The following BTN3A1 variants were observed in gnomAD, a reference collection of about 807,000 sequenced individuals.
The protein encoded by BTN3A1 is butyrophilin subfamily 3 member A1, also known as dJ45P21.3 (butyrophilin, subfamily 3, member A1).
In BTN3A1, 24 loss-of-function variants were observed where a neutral mutation model predicts 43.0. That is an observed-to-expected ratio of 0.56 (90% CI 0.40 to 0.78). BTN3A1 has a LOEUF of 0.78. Among genes scored for constraint, BTN3A1 ranks in the 30% least tolerant of loss-of-function variants. The probability of loss-of-function intolerance (pLI) is 0.00; values close to 1 mark genes in which losing one functional copy is unlikely to be tolerated. For synonymous variants in BTN3A1, 181 were observed against 234.7 expected (o/e 0.77, Z 2.09); for missense variants, 533 against 626.2 (o/e 0.85, Z 1.59).
rs1761998175 is a variant in BTN3A1 at position 26,405,827 on chromosome 6, C to T, written c.86-82C>T. The T allele has an allele frequency of 8.7e-6, 14 of 1,609,558 alleles. No individual in the cohort carries two copies. The South Asian group carries it at 1.4e-4, about 16-fold the overall frequency. ...CCCCCACCAGTTTCTTTGTATCTCG[C>T]CTTCCCTGTCTGAGAAGCACCCTTC... On this transcript the variant is annotated intron_variant, in intron 2 of 9. Coordinates refer to ENST00000289361, the MANE Select transcript of BTN3A1 (RefSeq NM_007048.6).
chr6:26,413,204 ATCC>A lies in BTN3A1; in HGVS notation c.1059_1061del (p.Leu354del). ...TCTGGATCCAAAAACAGCAAACCCC[ATCC>A]TCCTTGTTTCTGAGGACCAGAGGAG... On this transcript the variant is annotated inframe_deletion, in exon 10 of 10. Coordinates refer to ENST00000289361, the MANE Select transcript of BTN3A1 (RefSeq NM_007048.6). The A allele has an allele frequency of 6.2e-7, 1 of 1,614,026 alleles. No individual in the cohort carries two copies. The highest frequency in any genetic ancestry group is 8.5e-7 in the Non-Finnish European group (1 of 1,179,942).
chr6:26,406,581 C>T (rs1762027348), intron 3 of BTN3A1, among the ~76,000 whole-genome samples: 1 of 152,216 alleles, frequency 6.6e-6, no homozygotes, highest in Non-Finnish European at 1.5e-5. Flanking sequence ...TAGTTCTGTA[C>T]TGGATGGCTT....
chr6:26,409,464 C>A, intron 4 of BTN3A1, 69 bp from the exon 5 acceptor site: 1 of 1,458,880 alleles, frequency 6.9e-7, no homozygotes, highest in Non-Finnish European at 9.6e-7. Context: ...GCAGCTAACA[C>A]TTGGGGCGCT....
intron 8 of BTN3A1, 135 bp downstream of exon 8, chr6:26,411,270 G>C (rs935001808): frequency 1.1e-5 from 13 of 1,237,064 alleles, no homozygotes; most frequent in South Asian, 3.0e-5. Context: ...TGTGTGTTGT[G>C]GGGGGTTGAT....
At position 26,409,682 on chromosome 6, in the gene BTN3A1, G is replaced by C. The variant is rs540382529; in HGVS notation, c.865G>C (p.Glu289Gln). ...GTTCAGAAAGAAAAAGAGAGAGCAA[G>C]AGTTGAGAGAAATGGCATGGAGCAC... is the stretch of plus-strand genomic sequence containing the variant. Reference protein sequence around the residue: ...TQFRKKKREQELREMAWSTMK... With the variant: ...TQFRKKKREQQLREMAWSTMK... Residue 289 changes from glutamate to glutamine, a missense_variant, in exon 5 of 10, where the codon GAG becomes CAG. Around this residue, in one of 4 missense-constraint regions of BTN3A1, gnomAD observed 415 missense variants for 427.0 expected, o/e 0.97. Transcript: ENST00000289361. 6.3e-7 allele frequency: 1 copy of C among 1,591,640 alleles called. No individual in the cohort carries two copies. The highest frequency in any genetic ancestry group is 8.5e-7 in the Non-Finnish European group (1 of 1,171,648).
Position 26,409,934 on chromosome 6 carries a change from G to A in BTN3A1, c.937+20G>A. The A allele has an allele frequency of 6.2e-7, 1 of 1,614,194 alleles. No homozygotes were observed. The highest frequency in any genetic ancestry group is 8.5e-7 in the Non-Finnish European group (1 of 1,180,024). ...AACTCAGTAAGTTCCCATTCCCCCAGAGACCCAGGCATGTCTTCCTGTCCC... is the reference window on the plus strand; with the variant it reads ...AACTCAGTAAGTTCCCATTCCCCCAAAGACCCAGGCATGTCTTCCTGTCCC... On this transcript the variant is annotated intron_variant, in intron 6 of 9. Transcript: ENST00000289361.
Position 26,413,883 on chromosome 6 carries a change from C to A in BTN3A1, c.*191C>A. 1.9e-6 allele frequency: 2 copies of A among 1,067,126 alleles called. No individual in the cohort carries two copies. Among genetic ancestry groups the A allele is most frequent in the Non-Finnish European group, 2.7e-6 (2 of 733,918 alleles). The allele number at this position is 1,067,126 out of a possible 1,614,324, so 66.1% of individuals were successfully genotyped here. ...CCAATCACAACCATAAAGCTACAAG[C>A]ACGCACTGAAGCACTTTACTGATAC... On this transcript the variant is annotated 3_prime_UTR_variant, in exon 10 of 10. Coordinates refer to ENST00000289361, the MANE Select transcript of BTN3A1 (RefSeq NM_007048.6).
rs1270126195 is a variant in BTN3A1, at chr6:26,413,152, C to T, written c.1019-17C>T. On this transcript the variant is annotated splice_polypyrimidine_tract_variant and intron_variant, in intron 9 of 9. Coordinates refer to ENST00000289361, the MANE Select transcript of BTN3A1 (RefSeq NM_007048.6). ...AAAATGGTTGACCTCATGGACACTT[C>T]CTCAAACTCTCTGCAGCGGATGTGA... 1 of 1,599,288 alleles carries T rather than the reference C, an allele frequency of 6.3e-7. No individual in the cohort carries two copies. Among genetic ancestry groups the T allele is most frequent in the South Asian group, 1.1e-5 (1 of 88,476 alleles).
chr6:26,410,925 T>C (rs1762191521), intron 7 of BTN3A1, among the ~76,000 whole-genome samples, 184 bp from the exon 8 acceptor site: 1 of 147,296 alleles, frequency 6.8e-6, no homozygotes, highest in Admixed American at 6.9e-5. Context: ...AGCATTCGAC[T>C]GATGTTCCTG....
intron 9 of BTN3A1, 162 bp downstream of exon 9, chr6:26,411,743 T>G: frequency 6.0e-6 from 5 of 832,924 alleles, no homozygotes; most frequent in Non-Finnish European, 9.3e-6. Flanking sequence ...AGTGGGCCCA[T>G]CTCCAAGACC....
At chr6:26,412,483 G>T in intron 9 of BTN3A1, 1 of 1,543,704 alleles carries the variant, frequency 6.5e-7, no homozygotes. Context: ...TCAGGAATCT[G>T]CCCAGAGGAC....
chr6:26,410,627 G>C (rs1482208706), intron 7 of BTN3A1, among the ~76,000 whole-genome samples: 1 of 151,822 alleles, frequency 6.6e-6, no homozygotes, highest in African/African-American at 2.4e-5. Flanking sequence ...CCCTGAAATT[G>C]CTCATTAAAT....
intron 1 of BTN3A1, among the ~76,000 whole-genome samples, chr6:26,403,641 C>T (rs1761920801): frequency 6.6e-6 from 1 of 151,704 alleles, no homozygotes. Context: ...GAAATATTTA[C>T]CTTTTCACTA....
Position 26,405,549 on chromosome 6 carries a change from T to G in BTN3A1, c.-15T>G. On this transcript the variant is annotated 5_prime_UTR_variant, in exon 2 of 10. Coordinates refer to ENST00000289361, the MANE Select transcript of BTN3A1 (RefSeq NM_007048.6). ...CTGCCCCCCACCTTCCAGTATCTCC[T>G]GATATGCAGCATGAATGAAAATGGC... 1 of 1,613,358 alleles carries G rather than the reference T, an allele frequency of 6.2e-7. No individual in the cohort carries two copies. The highest frequency in any genetic ancestry group is 8.5e-7 in the Non-Finnish European group (1 of 1,179,262).
rs557579831 is a variant in BTN3A1, at chr6:26,407,727, C to G, written c.490C>G (p.Leu164Val). 6.2e-6 allele frequency: 10 copies of G among 1,614,214 alleles called. No individual in the cohort carries two copies. The South Asian group carries it at 9.9e-5, about 16-fold the overall frequency. Residue 164 changes from leucine (L) to valine (V), a missense_variant, in exon 4 of 10, where the codon CTG becomes GTG. This residue lies in a region of BTN3A1 where 415 missense variants were observed against 427.0 expected (regional missense o/e 0.97). Coordinates refer to ENST00000289361, the MANE Select transcript of BTN3A1 (RefSeq NM_007048.6). Reference sequence around the variant, plus strand: ...GGGTTACAAGGATGGAGGGATCCATCTGGAGTGCAGGTCCACTGGCTGGTA... The same window carrying G: ...GGGTTACAAGGATGGAGGGATCCATGTGGAGTGCAGGTCCACTGGCTGGTA... The part of the protein sequence containing the change: ...VKGYKDGGIH[L>V]ECRSTGWYPQ...
Position 26,413,240 on chromosome 6 carries a change from C to A in BTN3A1, c.1090C>A (p.Arg364Ser), listed in dbSNP as rs766874119. ...LVSEDQRSVQ[R>S]AKEPQDLPDN... ...TTCTGAGGACCAGAGGAGTGTGCAG[C>A]GTGCCAAGGAGCCCCAGGATCTGCC... Residue 364 changes from arginine to serine, a missense_variant, in exon 10 of 10, where the codon CGT (arginine) becomes AGT (serine). By Grantham distance (110) the Arg-to-Ser change is moderately radical (BLOSUM62 -1). This residue lies in a region of BTN3A1 where 415 missense variants were observed against 427.0 expected (regional missense o/e 0.97). Coordinates refer to ENST00000289361, the MANE Select transcript of BTN3A1 (RefSeq NM_007048.6). The A allele has an allele frequency of 2.8e-5, 45 of 1,614,148 alleles. No homozygotes were observed. The highest frequency in any genetic ancestry group is 3.8e-5 in the Non-Finnish European group (45 of 1,180,024).
rs1269523443 is a variant in BTN3A1 at position 26,411,094 on chromosome 6, T to A, written c.965-15T>A. The A allele has an allele frequency of 6.2e-7, 1 of 1,603,358 alleles. No individual in the cohort carries two copies. Among genetic ancestry groups the A allele is most frequent in the South Asian group, 1.1e-5 (1 of 89,370 alleles). On this transcript the variant is annotated splice_polypyrimidine_tract_variant and intron_variant, in intron 7 of 9. Transcript: ENST00000289361. ...GGCAAGTTCAGGTGACATCTCTATCTTTTTTTCATTGTAGGGGGAGAGAGA... is the reference window on the plus strand; with the variant it reads ...GGCAAGTTCAGGTGACATCTCTATCATTTTTTCATTGTAGGGGGAGAGAGA...
In BTN3A1 at chr6:26,408,009, G is replaced by C. The variant is rs561643430; in HGVS notation, c.715+57G>C. The C allele has an allele frequency of 2.8e-5, 45 of 1,598,386 alleles. No homozygotes were observed. In the South Asian group the frequency reaches 4.1e-4, roughly 14 times the overall value. ...GCTGGGCTGTGGCAGTTGAATGAAG[G>C]GGGAGGTGTTAGTGTCTGCAGTCAA... is the stretch of plus-strand genomic sequence containing the variant. On this transcript the variant is annotated intron_variant, in intron 4 of 9. Transcript: ENST00000289361.
At chr6:26,409,505 C>G (rs1454133677) in intron 4 of BTN3A1, 28 bp from the exon 5 acceptor site, 6 of 1,610,900 alleles carry the variant, frequency 3.7e-6, no homozygotes, top group Non-Finnish European at 4.2e-6. Flanking sequence ...GCACCGGCCC[C>G]CATGACCCAC....
Sources: gnomAD v4.1 joint callset for allele counts (sites outside exome capture counted in the v4.1 genomes callset) on GRCh38, gnomAD v4.1.1 for gene constraint, gnomAD v4.1.1 regional missense constraint, MANE v1.5 for transcripts, NCBI Gene and HGNC (gene_info 2026-07-23, HGNC 2026-07-21) for gene names.